The following COL24A1 variants were observed in gnomAD, a reference collection of about 807,000 sequenced individuals.
COL24A1 encodes collagen alpha-1(XXIV) chain.
A neutral mutation model predicts 253.9 loss-of-function variants in COL24A1; 224 were observed. The observed-to-expected ratio is 0.88, with a 90% CI of 0.79 to 0.99. The LOEUF (loss-of-function observed/expected upper bound fraction) is 0.99. Ranked by LOEUF, COL24A1 falls within the 50% of genes least tolerant of loss-of-function variation. The probability of loss-of-function intolerance (pLI) is 0.00; values close to 1 mark genes in which losing one functional copy is unlikely to be tolerated. For synonymous variants in COL24A1, 685 were observed against 673.7 expected (o/e 1.02, Z -0.26); for missense variants, 2,131 against 2,068.5 (o/e 1.03, Z -0.59).
At chr1:86,108,620 T>TAAAAAAAAAAAA (rs55852463) in intron 5 of COL24A1, among the ~76,000 whole-genome samples, 1 of 83,102 alleles carries the variant, frequency 1.2e-5, no homozygotes, top group African/African-American at 5.1e-5. Context: ...CCATCTCTAC[T>TAAAAAAAAAAAA]AAAAAAAAAA....
chr1:85,836,798 CAG>C (rs1676051130), intron 43 of COL24A1, among the ~76,000 whole-genome samples: 1 of 152,086 alleles, frequency 6.6e-6, no homozygotes, highest in African/African-American at 2.4e-5. Flanking sequence ...GAAAAATTAT[CAG>C]GGGTATACAA....
chr1:86,076,482 T>C (rs1330744522), intron 7 of COL24A1, among the ~76,000 whole-genome samples: 1 of 152,182 alleles, frequency 6.6e-6, no homozygotes, highest in African/African-American at 2.4e-5. Context: ...AATTTATAGA[T>C]TCAATGCTAT....
chr1:85,744,742 C>G lies in COL24A1; in HGVS notation c.4596G>C (p.Lys1532Asn). Residue 1532 changes from lysine (K) to asparagine (N), a missense_variant, in exon 57 of 60, where the codon AAG becomes AAC. Lys to Asn is a moderately conservative substitution (Grantham distance 94, BLOSUM62 0). Coordinates refer to ENST00000370571, the MANE Select transcript of COL24A1 (RefSeq NM_152890.7). Reference sequence around the variant, plus strand: ...GGTTATCTCGTGTGCCAAGAGGATTCTTGATGCTGTGCAATAAATTGCTAA... The same window carrying G: ...GGTTATCTCGTGTGCCAAGAGGATTGTTGATGCTGTGCAATAAATTGCTAA... The part of the protein sequence containing the change: ...NYLSNLLHSI[K>N]NPLGTRDNPA... The G allele has an allele frequency of 6.2e-7, 1 of 1,606,942 alleles. No individual in the cohort carries two copies. Among genetic ancestry groups the G allele is most frequent in the Non-Finnish European group, 8.5e-7 (1 of 1,177,832 alleles).
At chr1:85,822,741 T>C (rs906125281) in intron 45 of COL24A1, among the ~76,000 whole-genome samples, 13 of 152,270 alleles carry the variant, frequency 8.5e-5, no homozygotes, top group East Asian at 1.9e-4. Flanking sequence ...AAATCCAGTT[T>C]TAGCAACGAA....
intron 55 of COL24A1, among the ~76,000 whole-genome samples, chr1:85,759,930 A>G (rs901008150): frequency 6.6e-6 from 1 of 152,208 alleles, no homozygotes; most frequent in African/African-American, 2.4e-5. Context: ...GAGCTATGAT[A>G]TATCAAAGTC....
intron 39 of COL24A1, among the ~76,000 whole-genome samples, chr1:85,843,404 A>G (rs1676833696): frequency 6.6e-6 from 1 of 152,204 alleles, no homozygotes. Context: ...TGAATAATCT[A>G]GAATAGAATG....
chr1:85,914,304 A>ATGTG (rs71078628), intron 24 of COL24A1, among the ~76,000 whole-genome samples: 10,094 of 139,126 alleles, frequency 0.073, 572 homozygotes, highest in Admixed American at 0.19. Context: ...TTTGTCATGA[A>ATGTG]TGTGTGTGTG....
intron 47 of COL24A1, among the ~76,000 whole-genome samples, chr1:85,801,095 C>G (rs1440998657): frequency 1.3e-5 from 2 of 152,164 alleles, no homozygotes; most frequent in Non-Finnish European, 2.9e-5. Flanking sequence ...TCTTAAGTCT[C>G]CATGACACCA....
intron 19 of COL24A1, 87 bp downstream of exon 19, chr1:86,017,058 TCTTAAG>T: frequency 1.7e-6 from 2 of 1,180,726 alleles, no homozygotes; most frequent in Non-Finnish European, 1.2e-6. Flanking sequence ...AGAGGATCTT[TCTTAAG>T]CTTGCTATGT....
intron 24 of COL24A1, among the ~76,000 whole-genome samples, chr1:85,951,875 T>C (rs1341501262): frequency 1.3e-5 from 2 of 152,214 alleles, no homozygotes; most frequent in South Asian, 2.1e-4. Flanking sequence ...GAAAAGGTTA[T>C]ATACTTACAA....
chr1:86,006,816 C>A (rs1029940156), intron 19 of COL24A1, among the ~76,000 whole-genome samples: 2 of 151,736 alleles, frequency 1.3e-5, no homozygotes, highest in African/African-American at 4.8e-5. Flanking sequence ...AAAAAAAGGC[C>A]AAAGACCTTA....
At chr1:85,801,489 T>C (rs1232207529) in intron 47 of COL24A1, among the ~76,000 whole-genome samples, 1 of 152,226 alleles carries the variant, frequency 6.6e-6, no homozygotes, top group Admixed American at 6.5e-5. Context: ...CAACTATAGC[T>C]CCTGTCAGAT....
intron 24 of COL24A1, among the ~76,000 whole-genome samples, chr1:85,949,689 T>C (rs1439284100): frequency 6.6e-6 from 1 of 152,162 alleles, no homozygotes; most frequent in African/African-American, 2.4e-5. Flanking sequence ...ATAACTTTGT[T>C]ATTGGTCTCC....
chr1:86,141,923 T>C (rs1473501370), intron 2 of COL24A1, among the ~76,000 whole-genome samples: 1 of 151,918 alleles, frequency 6.6e-6, no homozygotes, highest in African/African-American at 2.4e-5. Context: ...AGGCTCGAAC[T>C]CCTGACCTCA....
intron 2 of COL24A1, among the ~76,000 whole-genome samples, chr1:86,142,059 A>C (rs1651176030): frequency 6.6e-6 from 1 of 152,142 alleles, no homozygotes; most frequent in Non-Finnish European, 1.5e-5. Flanking sequence ...TCTCCAACAT[A>C]AAAGACAGAC....
At chr1:86,148,807 C>A (rs1652309194) in intron 1 of COL24A1, among the ~76,000 whole-genome samples, 1 of 152,114 alleles carries the variant, frequency 6.6e-6, no homozygotes, top group Admixed American at 6.6e-5. Flanking sequence ...CCGCAATAAA[C>A]ATACGTGTGC....
At chr1:85,772,510 A>G (rs1668089940) in intron 53 of COL24A1, among the ~76,000 whole-genome samples, 1 of 151,750 alleles carries the variant, frequency 6.6e-6, no homozygotes, top group Non-Finnish European at 1.5e-5. Context: ...ATGCACACGT[A>G]TGTTTATTGC....
At chr1:85,921,597 G>A (rs963684678) in intron 24 of COL24A1, among the ~76,000 whole-genome samples, 1 of 152,140 alleles carries the variant, frequency 6.6e-6, no homozygotes, top group Non-Finnish European at 1.5e-5. Context: ...CTCTTAGAAG[G>A]AAAACTAACA....
At chr1:86,071,116 TA>T (rs1182645987) in intron 7 of COL24A1, among the ~76,000 whole-genome samples, 1 of 152,206 alleles carries the variant, frequency 6.6e-6, no homozygotes. Context: ...ATAGAGTTTT[TA>T]TCAGTTTTCT....
Sources: gnomAD v4.1 joint callset for allele counts (sites outside exome capture counted in the v4.1 genomes callset) on GRCh38, gnomAD v4.1.1 for gene constraint, MANE v1.5 for transcripts, NCBI Gene and HGNC (gene_info 2026-07-23, HGNC 2026-07-21) for gene names.